Variants in CSMD1 observed in about 807,000 individuals in gnomAD.
The protein encoded by CSMD1 is CUB and sushi domain-containing protein 1.
CSMD1 carries 213 observed loss-of-function variants against 417.5 expected under a neutral mutation model. The ratio of observed to expected loss-of-function variants is 0.51; its 90% CI spans 0.46 to 0.57. The LOEUF is 0.57. Ranked by LOEUF, CSMD1 falls within the 20% of genes least tolerant of loss-of-function variation. The pLI is 0.00. For synonymous variants in CSMD1, 2,862 were observed against 1,736.8 expected (o/e 1.65, Z -16.11); for missense variants, 6,923 against 4,529.7 (o/e 1.53, Z -15.17).
Position 3,709,729 on chromosome 8 carries a change from A to G in CSMD1, c.932-1238T>C, listed in dbSNP as rs537227888. Among the ~76,000 whole-genome samples the G allele has an allele frequency of 1.4e-3, 105 of 73,592 alleles. 3 individuals carry two copies. The Middle Eastern group carries it at 0.064, about 45-fold the overall frequency. 48.3% of individuals were successfully genotyped at this position (73,592 alleles called of 152,430 possible). On this transcript the variant is annotated intron_variant, in intron 6 of 69. Coordinates refer to ENST00000635120, the MANE Select transcript of CSMD1 (RefSeq NM_033225.6). The stretch of plus-strand genomic sequence containing the variant: ...TTTTTTCCCTGCTTTCTGCTTTCTG[A>G]CTGGAGCTAAAACACCGGCTTTCCT...
intron 5 of CSMD1, among the ~76,000 whole-genome samples, chr8:3,910,982 T>G (rs977039545): frequency 7.9e-5 from 12 of 152,308 alleles, no homozygotes; most frequent in African/African-American, 2.9e-4. Flanking sequence ...CTGTAGCTAT[T>G]ACAAGACAGA....
intron 23 of CSMD1, among the ~76,000 whole-genome samples, chr8:3,334,776 G>C (rs906674952): frequency 6.6e-6 from 1 of 152,170 alleles, no homozygotes; most frequent in Admixed American, 6.5e-5. Flanking sequence ...AGAGTAAGTA[G>C]AGTGGGACTT....
chr8:4,008,656 G>A (rs1375278503), intron 4 of CSMD1, among the ~76,000 whole-genome samples: 1 of 137,914 alleles, frequency 7.3e-6, no homozygotes. Flanking sequence ...TGTCGCCCAG[G>A]CTGGAGTGCA....
At chr8:3,135,019 G>C (rs1817998583) in intron 41 of CSMD1, among the ~76,000 whole-genome samples, 2 of 152,052 alleles carry the variant, frequency 1.3e-5, no homozygotes. Context: ...GAACTCCCAA[G>C]CTCAGGCAGT....
At chr8:3,375,998 T>C (rs1024017393) in intron 18 of CSMD1, among the ~76,000 whole-genome samples, 6 of 152,204 alleles carry the variant, frequency 3.9e-5, no homozygotes, top group South Asian at 4.1e-4. Flanking sequence ...GAACTTTTTT[T>C]CTCCAACTTC....
intron 38 of CSMD1, among the ~76,000 whole-genome samples, chr8:3,160,742 C>T (rs1388146409): frequency 6.6e-6 from 1 of 152,202 alleles, no homozygotes; most frequent in Admixed American, 6.5e-5. Context: ...CCAGTTATTT[C>T]ACAGATATTT....
At chr8:3,354,302 A>C (rs950270269) in intron 21 of CSMD1, among the ~76,000 whole-genome samples, 23 of 152,320 alleles carry the variant, frequency 1.5e-4, no homozygotes, top group African/African-American at 5.5e-4. Flanking sequence ...AATGGCTGGA[A>C]GTAAAGGTGT....
rs150453057 is a variant in CSMD1, at chr8:4,011,375, G to A, written c.611-13265C>T. Among the ~76,000 whole-genome samples the A allele has an allele frequency of 4.0e-3, 606 of 152,228 alleles. 5 individuals carry two copies. The highest frequency in any genetic ancestry group is 0.013 in the African/African-American group (558 of 41,514). ...TTATAGACTTTTCTTTTGATTCCATGTCTGCTTCCAGACTCCACATTCCCC... is the reference window on the plus strand; with the variant it reads ...TTATAGACTTTTCTTTTGATTCCATATCTGCTTCCAGACTCCACATTCCCC... On this transcript the variant is annotated intron_variant, in intron 4 of 69. Coordinates refer to ENST00000635120, the MANE Select transcript of CSMD1 (RefSeq NM_033225.6).
intron 46 of CSMD1, among the ~76,000 whole-genome samples, chr8:3,100,908 C>T (rs928635765): frequency 5.9e-5 from 9 of 152,084 alleles, no homozygotes; most frequent in African/African-American, 1.9e-4. Context: ...CCCCAGAGCC[C>T]TTGTGATGCC....
At chr8:2,960,178 G>C (rs189271228) in intron 62 of CSMD1, among the ~76,000 whole-genome samples, 11 of 152,232 alleles carry the variant, frequency 7.2e-5, no homozygotes, top group Non-Finnish European at 1.5e-4. Flanking sequence ...TTGACAATTT[G>C]GCATTAAATA....
chr8:4,294,702 T>C (rs1349625576), intron 3 of CSMD1, among the ~76,000 whole-genome samples: 2 of 152,180 alleles, frequency 1.3e-5, no homozygotes, highest in East Asian at 3.9e-4. Context: ...CCATCTATTT[T>C]AGCTTCTCTT....
At chr8:3,127,259 T>G (rs1817558243) in intron 41 of CSMD1, 1 of 152,204 alleles carries the variant, frequency 6.6e-6, no homozygotes, top group South Asian at 2.1e-4. Context: ...AGCCTTAGGT[T>G]GAAAGCTCAA....
chr8:3,599,285 G>A (rs369072440), intron 8 of CSMD1, among the ~76,000 whole-genome samples: 3 of 152,164 alleles, frequency 2.0e-5, no homozygotes, highest in Admixed American at 1.3e-4. Context: ...ATGTGGCTAC[G>A]TGTGTATGTG....
intron 3 of CSMD1, among the ~76,000 whole-genome samples, chr8:4,241,066 T>G (rs1246434484): frequency 6.6e-6 from 1 of 152,168 alleles, no homozygotes; most frequent in African/African-American, 2.4e-5. Flanking sequence ...CCCTATGGAT[T>G]TGATCGCTGA....
intron 5 of CSMD1, among the ~76,000 whole-genome samples, chr8:3,817,292 T>TTTTTTTTTTTTTTTTTTTA (rs1563109891): frequency 1.1e-5 from 1 of 93,548 alleles, no homozygotes; most frequent in African/African-American, 5.4e-5. Flanking sequence ...TTTTTTTTTT[T>TTTTTTTTTTTTTTTTTTTA]TTTTTTGAGA....
chr8:3,158,213 C>A (rs1819654177), intron 38 of CSMD1, among the ~76,000 whole-genome samples: 1 of 152,070 alleles, frequency 6.6e-6, no homozygotes, highest in African/African-American at 2.4e-5. Context: ...TCCTTTTGAC[C>A]AGACCATAAT....
chr8:3,220,618 G>C (rs1161164360), intron 28 of CSMD1, among the ~76,000 whole-genome samples: 1 of 152,120 alleles, frequency 6.6e-6, no homozygotes, highest in African/African-American at 2.4e-5. Flanking sequence ...AGATCACGAG[G>C]TCAGGAGTTC....
intron 5 of CSMD1, among the ~76,000 whole-genome samples, chr8:3,930,052 G>T (rs538258213): frequency 2.0e-5 from 3 of 150,202 alleles, no homozygotes; most frequent in Non-Finnish European, 3.0e-5. Context: ...TCTCTGAGAG[G>T]GGGTATGTGT....
intron 39 of CSMD1, among the ~76,000 whole-genome samples, chr8:3,156,453 G>C (rs935147245): frequency 6.6e-6 from 1 of 152,132 alleles, no homozygotes; most frequent in Non-Finnish European, 1.5e-5. Context: ...CAAAGCCTTT[G>C]GGGATTGTAG....
Sources: allele counts gnomAD v4.1 joint callset (sites outside exome capture counted in the v4.1 genomes callset), GRCh38; gene constraint gnomAD v4.1.1; transcripts MANE v1.5; gene names NCBI Gene and HGNC (gene_info 2026-07-23, HGNC 2026-07-21).